Variants in RAPGEF2 observed in about 807,000 individuals in gnomAD.
The protein encoded by RAPGEF2 is Rap guanine nucleotide exchange factor 2.
RAPGEF2 carries 54 observed loss-of-function variants against 186.7 expected under a neutral mutation model. The observed-to-expected ratio is 0.29, with a 90% CI of 0.23 to 0.36. RAPGEF2 has a LOEUF of 0.36. RAPGEF2 is among the 10% of genes least tolerant of loss of function. The pLI is 1.00. For synonymous variants in RAPGEF2, 712 were observed against 705.9 expected (o/e 1.01, Z -0.14); for missense variants, 1,532 against 2,045.0 (o/e 0.75, Z 4.84).
At chr4:159,195,856 A>G (rs1004127413) in intron 3 of RAPGEF2, among the ~76,000 whole-genome samples, 4 of 143,374 alleles carry the variant, frequency 2.8e-5, no homozygotes, top group African/African-American at 1.0e-4. Context: ...GGTAGATTAC[A>G]GTGTCTTCAA....
chr4:159,112,568 A>G (rs1738613471), intron 1 of RAPGEF2, among the ~76,000 whole-genome samples: 1 of 152,212 alleles, frequency 6.6e-6, no homozygotes, highest in African/African-American at 2.4e-5. Flanking sequence ...TAGGGAAGAA[A>G]GTATCCATGA....
intron 1 of RAPGEF2, among the ~76,000 whole-genome samples, chr4:159,157,135 A>G (rs527778575): frequency 6.6e-6 from 1 of 152,168 alleles, no homozygotes; most frequent in Non-Finnish European, 1.5e-5. Context: ...TGAAGAAAAG[A>G]TACTGCCCAA....
chr4:159,200,265 C>T (rs1173270152), intron 3 of RAPGEF2, among the ~76,000 whole-genome samples: 13 of 151,836 alleles, frequency 8.6e-5, no homozygotes, highest in African/African-American at 2.4e-4. Flanking sequence ...CCCAGGAGTT[C>T]GAGACCAGCC....
chr4:159,317,006 C>G (rs1245140535), intron 9 of RAPGEF2, among the ~76,000 whole-genome samples: 2 of 152,140 alleles, frequency 1.3e-5, no homozygotes, highest in Non-Finnish European at 2.9e-5. Context: ...TGTACCACTC[C>G]CCCAACTCTT....
chr4:159,144,949 A>G lies in RAPGEF2; in HGVS notation c.69+40718A>G, dbSNP rs191843752. Among the ~76,000 whole-genome samples, 262 of 132,212 alleles carry G rather than the reference A, an allele frequency of 2.0e-3. 1 individual carries two copies. The highest frequency in any genetic ancestry group is 6.8e-3 in the African/African-American group (230 of 33,712). The allele number at this position is 132,212 out of a possible 152,430, so 86.7% of individuals were successfully genotyped here. On this transcript the variant is annotated intron_variant, in intron 1 of 29. Coordinates refer to ENST00000691494, the MANE Select transcript of RAPGEF2 (RefSeq NM_001394067.2). ...CTTGCCCAGGCTGGAGTGAAGAGGT[A>G]TGATCATGGCTCACTGCAGCCTCTA...
chr4:159,190,213 A>G (rs1747973007), intron 2 of RAPGEF2, among the ~76,000 whole-genome samples: 1 of 152,064 alleles, frequency 6.6e-6, no homozygotes, highest in Non-Finnish European at 1.5e-5. Context: ...ATAGCATAGG[A>G]GTTTGGATTT....
intron 4 of RAPGEF2, among the ~76,000 whole-genome samples, chr4:159,219,600 C>G (rs934576285): frequency 2.6e-4 from 40 of 152,276 alleles, no homozygotes; most frequent in African/African-American, 9.6e-4. Flanking sequence ...CATGATCTGC[C>G]TGCCTCAGCC....
At chr4:159,333,766 T>C (rs995249165) in intron 17 of RAPGEF2, among the ~76,000 whole-genome samples, 5 of 152,220 alleles carry the variant, frequency 3.3e-5, no homozygotes, top group African/African-American at 1.2e-4. Flanking sequence ...TTTAGTTATA[T>C]AGTCCCCAAA....
intron 7 of RAPGEF2, among the ~76,000 whole-genome samples, chr4:159,286,445 C>T (rs993845756): frequency 6.6e-6 from 1 of 152,098 alleles, no homozygotes; most frequent in Non-Finnish European, 1.5e-5. Flanking sequence ...GCATGCTATT[C>T]TTCACATTTA....
chr4:159,170,533 G>A (rs934279493), intron 1 of RAPGEF2, among the ~76,000 whole-genome samples: 6 of 152,160 alleles, frequency 3.9e-5, no homozygotes, highest in African/African-American at 1.4e-4. Context: ...ATATATGGAA[G>A]GATGTGCATA....
At chr4:159,269,247 C>T (rs1472849157) in intron 7 of RAPGEF2, among the ~76,000 whole-genome samples, 2 of 152,040 alleles carry the variant, frequency 1.3e-5, no homozygotes, top group African/African-American at 4.8e-5. Context: ...TAACTAAATC[C>T]AAGAGATGTT....
At chr4:159,212,599 A>G (rs1186626358) in intron 4 of RAPGEF2, among the ~76,000 whole-genome samples, 2 of 152,196 alleles carry the variant, frequency 1.3e-5, no homozygotes, top group African/African-American at 4.8e-5. Flanking sequence ...TCTTCAAAAA[A>G]GATTTACTCT....
At chr4:159,337,559 A>C (rs1246777547) in intron 17 of RAPGEF2, among the ~76,000 whole-genome samples, 6 of 152,108 alleles carry the variant, frequency 3.9e-5, no homozygotes, top group Admixed American at 1.3e-4. Context: ...TGTGCTGAGA[A>C]ACTACTAATA....
At chr4:159,122,141 G>A (rs1378571429) in intron 1 of RAPGEF2, among the ~76,000 whole-genome samples, 1 of 150,994 alleles carries the variant, frequency 6.6e-6, no homozygotes, top group African/African-American at 2.4e-5. Context: ...TAGATAACTA[G>A]TCTATTTTAT....
intron 7 of RAPGEF2, among the ~76,000 whole-genome samples, chr4:159,281,671 CAAAAAAAAAA>C (rs11346544): frequency 3.5e-5 from 3 of 85,164 alleles, no homozygotes; most frequent in South Asian, 3.7e-4. Flanking sequence ...AACTTGATTT[CAAAAAAAAAA>C]AAAAAAAAAG....
chr4:159,181,438 T>G (rs1276513466), intron 1 of RAPGEF2, among the ~76,000 whole-genome samples: 4 of 152,198 alleles, frequency 2.6e-5, no homozygotes, highest in Non-Finnish European at 5.9e-5. Context: ...CAAATAGTCT[T>G]TTTGCTTAGA....
chr4:159,281,149 G>T (rs899878552), intron 7 of RAPGEF2, among the ~76,000 whole-genome samples: 1 of 151,736 alleles, frequency 6.6e-6, no homozygotes, highest in Non-Finnish European at 1.5e-5. Flanking sequence ...GCACTACCAC[G>T]TGCAGCTAAT....
chr4:159,286,030 A>ACCCACCACC (rs1554026580), intron 7 of RAPGEF2, among the ~76,000 whole-genome samples: 1 of 89,232 alleles, frequency 1.1e-5, no homozygotes, highest in African/African-American at 3.8e-5. Flanking sequence ...TGTTCCCCCC[A>ACCCACCACC]ACCACCACCA....
chr4:159,163,420 T>C (rs1239807076), intron 1 of RAPGEF2, among the ~76,000 whole-genome samples: 1 of 145,994 alleles, frequency 6.8e-6, no homozygotes. Flanking sequence ...TCTGGGGTGG[T>C]AAAAATGGTT....
Sources: gnomAD v4.1 joint callset for allele counts (sites outside exome capture counted in the v4.1 genomes callset) on GRCh38, gnomAD v4.1.1 for gene constraint, MANE v1.5 for transcripts, NCBI Gene and HGNC (gene_info 2026-07-23, HGNC 2026-07-21) for gene names.